SLC39A10: variants seen among roughly 807,000 people sequenced by gnomAD.
SLC39A10 encodes zinc transporter ZIP10.
Under a neutral mutation model 65.1 loss-of-function variants are expected in SLC39A10, and 13 were observed. The ratio of observed to expected loss-of-function variants is 0.20; its 90% CI spans 0.13 to 0.32. SLC39A10 has a LOEUF of 0.32. SLC39A10 is among the 10% of genes least tolerant of loss of function. SLC39A10 has a pLI of 1.00. For synonymous variants in SLC39A10, 321 were observed against 342.2 expected (o/e 0.94, Z 0.68); for missense variants, 831 against 1,018.4 (o/e 0.82, Z 2.50).
intron 1 of SLC39A10, among the ~76,000 whole-genome samples, chr2:195,677,382 A>G (rs1373571319): frequency 6.6e-5 from 10 of 152,128 alleles, no homozygotes; most frequent in African/African-American, 2.4e-4. Flanking sequence ...AAGACCCCAA[A>G]AAGAAGAAAA....
At chr2:195,688,115 T>C (rs1329507438) in intron 3 of SLC39A10, among the ~76,000 whole-genome samples, 2 of 152,210 alleles carry the variant, frequency 1.3e-5, no homozygotes, top group Non-Finnish European at 2.9e-5. Flanking sequence ...TTCAGACATT[T>C]GGCGCTTTTT....
rs1484619311 is a variant in SLC39A10 at position 195,737,179 on chromosome 2, AG to A, written c.*2141del. The A allele has an allele frequency of 9.2e-5, 14 of 152,622 alleles. No individual in the cohort carries two copies. Among genetic ancestry groups the A allele is most frequent in the Non-Finnish European group, 5.9e-5 (4 of 68,030 alleles). The allele number at this position is 152,622 out of a possible 1,614,324, so 9.5% of individuals were successfully genotyped here. On this transcript the variant is annotated 3_prime_UTR_variant, in exon 10 of 10. Coordinates refer to ENST00000359634, the MANE Select transcript of SLC39A10 (RefSeq NM_020342.3). The stretch of plus-strand genomic sequence containing the variant: ...GGCTGTAACAGTTGCTGCTAGTATT[AG>A]GGTTCCACATCATTCTAATGTATAG...
intron 2 of SLC39A10, among the ~76,000 whole-genome samples, chr2:195,617,252 T>C (rs140142883): frequency 1.3e-5 from 2 of 152,302 alleles, no homozygotes; most frequent in Non-Finnish European, 2.9e-5. Context: ...CAAATATCTT[T>C]TTAAAAATTA....
intron 1 of SLC39A10, among the ~76,000 whole-genome samples, chr2:195,666,966 C>T (rs147327780): frequency 1.3e-5 from 2 of 152,230 alleles, no homozygotes; most frequent in Admixed American, 1.3e-4. Context: ...AGCAGAAATG[C>T]AGGTAATTGT....
At chr2:195,705,808 C>T (rs1229150057) in intron 3 of SLC39A10, among the ~76,000 whole-genome samples, 1 of 152,036 alleles carries the variant, frequency 6.6e-6, no homozygotes, top group African/African-American at 2.4e-5. Context: ...AATGTCCAGC[C>T]CCCAAACCAC....
At chr2:195,673,405 A>C (rs113998268) in intron 1 of SLC39A10, among the ~76,000 whole-genome samples, 4,118 of 152,248 alleles carry the variant, frequency 0.027, 73 homozygotes, top group Non-Finnish European at 0.043. Flanking sequence ...AGATCCGCCA[A>C]CCTCTGCCTC....
At chr2:195,698,358 T>C (rs954143151) in intron 3 of SLC39A10, among the ~76,000 whole-genome samples, 3 of 152,158 alleles carry the variant, frequency 2.0e-5, no homozygotes, top group Admixed American at 6.6e-5. Context: ...CAGTACTATA[T>C]TGAATAGAAG....
intron 1 of SLC39A10, among the ~76,000 whole-genome samples, chr2:195,666,678 T>C (rs1329202993): frequency 6.6e-6 from 1 of 152,176 alleles, no homozygotes; most frequent in African/African-American, 2.4e-5. Flanking sequence ...CTCAGGATGC[T>C]CTCAAATTCC....
intron 8 of SLC39A10, among the ~76,000 whole-genome samples, chr2:195,725,403 C>G (rs1692201015): frequency 6.6e-6 from 1 of 151,938 alleles, no homozygotes; most frequent in South Asian, 2.1e-4. Flanking sequence ...AACAAACAGC[C>G]CAACAAAATA....
intron 2 of SLC39A10, among the ~76,000 whole-genome samples, chr2:195,645,226 A>T (rs1038373030): frequency 6.6e-4 from 94 of 142,970 alleles, no homozygotes; most frequent in Non-Finnish European, 1.2e-3. Context: ...TACTTTATTT[A>T]AAAAAAAAAA....
Position 195,649,162 on chromosome 2 carries a change from GACA to G in SLC39A10, c.-11-30859_-11-30857del, listed in dbSNP as rs557862813. On this transcript the variant is annotated intron_variant, in intron 2 of 2. Coordinates refer to the SLC39A10 transcript ENST00000458054. ...TGAAAAAACAAAACAAAAAAAGAAT[GACA>G]ACAACAACAAAAAGATATGTGCTGG... Among the ~76,000 whole-genome samples the G allele has an allele frequency of 1.3e-4, 20 of 152,054 alleles. No homozygotes were observed. In the South Asian group the frequency reaches 2.3e-3, roughly 17 times the overall value.
intron 2 of SLC39A10, among the ~76,000 whole-genome samples, chr2:195,622,006 G>A: frequency 6.6e-6 from 1 of 152,142 alleles, no homozygotes; most frequent in East Asian, 1.9e-4. Flanking sequence ...GTCTAAGTCT[G>A]TATCTTTTTC....
intron 1 of SLC39A10, chr2:195,658,433 C>A (rs1440532414): frequency 1.3e-5 from 2 of 152,172 alleles, no homozygotes; most frequent in African/African-American, 2.4e-5. Flanking sequence ...GTAGGTTATA[C>A]TGTTTTTTAA....
chr2:195,640,794 A>T (rs1688797818), intron 2 of SLC39A10, among the ~76,000 whole-genome samples: 1 of 152,222 alleles, frequency 6.6e-6, no homozygotes, highest in Non-Finnish European at 1.5e-5. Flanking sequence ...CCTCAAATTA[A>T]CTGATGAAGT....
rs554160861 is a variant in SLC39A10 at position 195,664,159 on chromosome 2, G to A, written c.-12+6878G>A. 1.8e-4 allele frequency among the ~76,000 whole-genome samples: 26 copies of A among 147,552 alleles called. 1 individual carries two copies. The East Asian group carries it at 2.8e-3, about 16-fold the overall frequency. On this transcript the variant is annotated intron_variant, in intron 1 of 9. Transcript: ENST00000359634. ...AAATTCACTGTAAATATAATTTCAT[G>A]GAATATATAATTTCTAAAACAAATT...
rs559400991 is a variant in SLC39A10 at position 195,706,666 on chromosome 2, C to G, written c.1267C>G (p.Leu423Val). The change falls in exon 4 of 10, where the codon CTA becomes GTA. Residue 423 changes from leucine (L) to valine (V), a missense_variant. Transcript: ENST00000359634. The stretch of plus-strand genomic sequence containing the variant: ...CACTGTCATTAGCCTGCTTTCCTTG[C>G]TAGGCGTGATCTTGGTTCCTATCAT... ...SITVISLLSL[L>V]GVILVPIINQ... 2.7e-5 allele frequency: 43 copies of G among 1,611,648 alleles called. No individual in the cohort carries two copies. Among genetic ancestry groups the G allele is most frequent in the Admixed American group, 1.3e-4 (8 of 59,714 alleles).
chr2:195,723,503 C>T (rs993055682), intron 8 of SLC39A10, among the ~76,000 whole-genome samples: 2 of 152,100 alleles, frequency 1.3e-5, no homozygotes, highest in African/African-American at 4.8e-5. Context: ...ACCTGAGTGT[C>T]GTCTGCACTC....
rs375277834 is a variant in SLC39A10 at position 195,677,070 on chromosome 2, T to C, written c.-11-2962T>C. Among the ~76,000 whole-genome samples the C allele has an allele frequency of 2.0e-5, 3 of 152,226 alleles. No individual in the cohort carries two copies. The East Asian group carries it at 5.8e-4, about 29-fold the overall frequency. On this transcript the variant is annotated intron_variant, in intron 1 of 9. Transcript: ENST00000359634. ...TGTGATTGGTTTTCAGTGAAGAAAA[T>C]TTGATTTTTATAAAACTTTGTATTG...
intron 2 of SLC39A10, among the ~76,000 whole-genome samples, chr2:195,644,564 A>G (rs1383321872): frequency 6.8e-6 from 1 of 147,222 alleles, no homozygotes; most frequent in Non-Finnish European, 1.5e-5. Context: ...CTGGTCTTGA[A>G]CTCCTGACCT....
Sources: allele counts gnomAD v4.1 joint callset (sites outside exome capture counted in the v4.1 genomes callset), GRCh38; gene constraint gnomAD v4.1.1; transcripts MANE v1.5; gene names NCBI Gene and HGNC (gene_info 2026-07-23, HGNC 2026-07-21).